FBN3: variants seen among roughly 807,000 people sequenced by gnomAD.
FBN3 encodes the protein fibrillin 3, also known as fibrillin-3.
FBN3 carries 234 observed loss-of-function variants against 330.1 expected under a neutral mutation model. The ratio of observed to expected loss-of-function variants is 0.71; its 90% CI spans 0.64 to 0.79. The LOEUF is 0.79. Ranked by LOEUF, FBN3 falls within the 30% of genes least tolerant of loss-of-function variation. FBN3 has a pLI of 0.00. For missense variants in FBN3, 3,606 were observed against 3,886.9 expected (o/e 0.93, Z 1.92); for synonymous variants, 1,458 against 1,517.3 (o/e 0.96, Z 0.91).
rs2081373141 is a variant in FBN3, at chr19:8,065,629, G to C, written c.*290C>G. The C allele has an allele frequency of 4.6e-6, 2 of 437,988 alleles. No homozygotes were observed. The highest frequency in any genetic ancestry group is 8.0e-5 in the Admixed American group (2 of 24,890). The allele number at this position is 437,988 out of a possible 1,614,324, so 27.1% of individuals were successfully genotyped here. On this transcript the variant is annotated 3_prime_UTR_variant, in exon 64 of 64. Coordinates refer to ENST00000600128, the MANE Select transcript of FBN3 (RefSeq NM_032447.5). The stretch of plus-strand genomic sequence containing the variant: ...GTACAGAAGTGAAAGCCTGAGATTG[G>C]CCAGACACGGTGACCACAGGGCCTC...
chr19:8,095,579 C>A, intron 45 of FBN3, 76 bp from the exon 46 acceptor site: 2 of 1,521,552 alleles, frequency 1.3e-6, no homozygotes, highest in South Asian at 1.2e-5. Flanking sequence ...CTTCTGTCCA[C>A]AACTGAGTTG....
At chr19:8,091,627 G>A in intron 47 of FBN3, 37 bp from the exon 48 acceptor site, 1 of 1,609,952 alleles carries the variant, frequency 6.2e-7, no homozygotes, top group Non-Finnish European at 8.5e-7. Context: ...TGGGGGGCAA[G>A]TAGGACCTCC....
rs764242363 is a variant in FBN3, at chr19:8,111,977, C to T, written c.3961G>A (p.Asp1321Asn). The T allele has an allele frequency of 1.0e-5, 16 of 1,597,604 alleles. No homozygotes were observed. The highest frequency in any genetic ancestry group is 8.8e-5 in the South Asian group (8 of 90,414). The change falls in exon 31 of 64, where the codon GAC (aspartate) becomes AAC (asparagine). Residue 1321 changes from aspartate (D) to asparagine (N), a missense_variant and splice_region_variant. Physicochemically the swap from Asp to Asn is conservative, Grantham distance 23. Coordinates refer to ENST00000600128, the MANE Select transcript of FBN3 (RefSeq NM_032447.5). ...GWVGDGFECH[D>N]LDECVSQEHR... ...CCACTCCCTGCCCCCAGGTACTCAC[C>T]GTGACATTCGAAGCCATCCCCCACC...
At chr19:8,125,807 AT>A (rs1236669600) in intron 22 of FBN3, 84 bp downstream of exon 22, 9 of 1,351,796 alleles carry the variant, frequency 6.7e-6, no homozygotes, top group South Asian at 3.3e-5. Context: ...AAAAAAAAAA[AT>A]CTCTCCTGTT....
At chr19:8,100,198 G>A (rs751949300) in intron 41 of FBN3, among the ~76,000 whole-genome samples, 8 of 152,134 alleles carry the variant, frequency 5.3e-5, no homozygotes, top group Non-Finnish European at 1.0e-4. Flanking sequence ...TCCAGGGACT[G>A]AGGGGGATGG....
In FBN3 at chr19:8,065,448, C is replaced by T. The variant is rs2081369468; in HGVS notation, c.*471G>A. ...ATCGTCTCCACTTTTGATATAAAAG[C>T]ATTCTCCAAATGGGGGGCAAATGTG... On this transcript the variant is annotated 3_prime_UTR_variant, in exon 64 of 64. Coordinates refer to ENST00000600128, the MANE Select transcript of FBN3 (RefSeq NM_032447.5). The T allele has an allele frequency of 6.3e-6, 1 of 159,842 alleles. No individual in the cohort carries two copies. The highest frequency in any genetic ancestry group is 2.4e-5 in the African/African-American group (1 of 41,794). 9.9% of individuals were successfully genotyped at this position (159,842 alleles called of 1,614,324 possible).
Position 8,126,532 on chromosome 19 carries a change from C to T in FBN3, c.2490G>A (p.Leu830=), listed in dbSNP as rs201287165. 8.8e-4 allele frequency: 1,417 copies of T among 1,613,262 alleles called. 20 individuals carry two copies. The South Asian group carries it at 0.015, about 17-fold the overall frequency. The change falls in exon 20 of 64, where the codon CTG becomes CTA. Residue 830 remains leucine (L), a synonymous_variant. Transcript: ENST00000600128. ...CGAGGGTGGCGCAGCACTCAGACCG[C>T]AGGCTGGCTCCCTGAAGGTTCACCT... is the stretch of plus-strand genomic sequence containing the variant. The part of the protein sequence containing the change: ...RCEVNLQGAS[L]RSECCATLGA...
rs1284162652 is a variant in FBN3, at chr19:8,065,602, C to G, written c.*317G>C. On this transcript the variant is annotated 3_prime_UTR_variant, in exon 64 of 64. Transcript: ENST00000600128. ...CCCCCCGCCAGGGCAAGCCACAGTG[C>G]AGTACAGAAGTGAAAGCCTGAGATT... 2 of 357,050 alleles carry G rather than the reference C, an allele frequency of 5.6e-6. No individual in the cohort carries two copies. Among genetic ancestry groups the G allele is most frequent in the Non-Finnish European group, 1.0e-5 (2 of 198,344 alleles). 22.1% of individuals were successfully genotyped at this position (357,050 alleles called of 1,614,324 possible). A position where few individuals can be genotyped will look rare whatever the true frequency, so the allele number is the denominator to read the frequency against.
chr19:8,139,708 C>T (rs2083369459), intron 8 of FBN3, among the ~76,000 whole-genome samples: 1 of 152,054 alleles, frequency 6.6e-6, no homozygotes, highest in Non-Finnish European at 1.5e-5. Flanking sequence ...ACCACCAACA[C>T]TCTTCCACTT....
chr19:8,114,818 T>C (rs983337484), intron 30 of FBN3, among the ~76,000 whole-genome samples: 1 of 151,984 alleles, frequency 6.6e-6, no homozygotes, highest in African/African-American at 2.4e-5. Flanking sequence ...CTCGGCTCAC[T>C]GCAAGCTTCG....
chr19:8,116,630 A>T, intron 29 of FBN3, 44 bp downstream of exon 29: 1 of 1,579,916 alleles, frequency 6.3e-7, no homozygotes, highest in South Asian at 1.1e-5. Flanking sequence ...GAATTCTGAC[A>T]CTGCCTCCTC....
In FBN3 at chr19:8,106,122, G is replaced by T. The variant is rs2082432972; in HGVS notation, c.4799C>A (p.Thr1600Asn). 1.2e-6 allele frequency: 2 copies of T among 1,614,148 alleles called. No individual in the cohort carries two copies. Among genetic ancestry groups the T allele is most frequent in the South Asian group, 2.2e-5 (2 of 91,080 alleles). Residue 1600 changes from threonine (T) to asparagine (N), a missense_variant, in exon 38 of 64, where the codon ACC (threonine) becomes AAC (asparagine). Physicochemically the swap from Thr to Asn is moderately conservative, Grantham distance 65. Coordinates refer to ENST00000600128, the MANE Select transcript of FBN3 (RefSeq NM_032447.5). The part of the protein sequence containing the change: ...CPPGYHLSEH[T>N]RICEDIDECS... ...TCCATGCTCACCCTCACAGATGCGG[G>T]TGTGCTCACTGAGGTGGTAGCCAGG... is the stretch of plus-strand genomic sequence containing the variant.
intron 59 of FBN3, among the ~76,000 whole-genome samples, chr19:8,080,162 C>A (rs1599278642): frequency 1.3e-5 from 2 of 152,174 alleles, no homozygotes; most frequent in East Asian, 3.9e-4. Flanking sequence ...AAGCAGGGGG[C>A]CGGGCTTGGC....
At chr19:8,117,619 C>T in intron 26 of FBN3, 30 bp from the exon 27 acceptor site, 1 of 1,504,222 alleles carries the variant, frequency 6.6e-7, no homozygotes, top group Non-Finnish European at 8.9e-7. Flanking sequence ...AAAGACGGGC[C>T]TGTGCCCCAT....
At chr19:8,077,992 G>A (rs558549579) in intron 59 of FBN3, among the ~76,000 whole-genome samples, 62 of 151,932 alleles carry the variant, frequency 4.1e-4, no homozygotes, top group African/African-American at 1.4e-3. Flanking sequence ...CAGGAGGATC[G>A]CTTGAACCTG....
intron 22 of FBN3, 45 bp from the exon 23 acceptor site, chr19:8,124,053 G>T (rs1458084112): frequency 8.6e-6 from 13 of 1,508,848 alleles, no homozygotes; most frequent in Non-Finnish European, 1.2e-5. Flanking sequence ...GCCACACTGT[G>T]CCCACTGCGG....
Position 8,111,733 on chromosome 19 carries a change from G to T in FBN3, c.3999C>A (p.Ser1333Arg), listed in dbSNP as rs763488882. The change falls in exon 32 of 64, where the codon AGC becomes AGA. Residue 1333 changes from serine (S) to arginine (R), a missense_variant. Ser to Arg is a moderately radical substitution (Grantham distance 110, BLOSUM62 -1). Transcript: ENST00000600128. The stretch of plus-strand genomic sequence containing the variant: ...GGACATTGAGACAGTCACCTCTTGG[G>T]CTGCACCGGTGCTCCTGGGAGACGC... ...DECVSQEHRC[S>R]PRGDCLNVPG... 4.3e-6 allele frequency: 7 copies of T among 1,612,680 alleles called. No individual in the cohort carries two copies. The highest frequency in any genetic ancestry group is 3.4e-6 in the Non-Finnish European group (4 of 1,178,970).
chr19:8,080,963 G>T, intron 59 of FBN3, 40 bp downstream of exon 59: 1 of 1,407,418 alleles, frequency 7.1e-7, no homozygotes, highest in Non-Finnish European at 1.0e-6. Flanking sequence ...TAATGCTGGG[G>T]TCATGGGTCA....
At chr19:8,125,324 A>G (rs1293192009) in intron 22 of FBN3, among the ~76,000 whole-genome samples, 1 of 152,040 alleles carries the variant, frequency 6.6e-6, no homozygotes, top group Non-Finnish European at 1.5e-5. Context: ...CAAGGTACAA[A>G]AATCAGTTGA....
Sources: allele counts gnomAD v4.1 joint callset (sites outside exome capture counted in the v4.1 genomes callset), GRCh38; gene constraint gnomAD v4.1.1; transcripts MANE v1.5; gene names NCBI Gene and HGNC (gene_info 2026-07-23, HGNC 2026-07-21).